The following MYO16 variants were observed in gnomAD, a reference collection of about 807,000 sequenced individuals.
MYO16 encodes the protein unconventional myosin-XVI.
Under a neutral mutation model 205.3 loss-of-function variants are expected in MYO16, and 94 were observed. The observed-to-expected ratio is 0.46, with a 90% confidence interval of 0.39 to 0.54. The LOEUF is 0.54. MYO16 is among the 20% of genes least tolerant of loss of function. The probability of loss-of-function intolerance (pLI) is 0.00; values close to 1 mark genes in which losing one functional copy is unlikely to be tolerated. For missense variants in MYO16, 2,315 were observed against 2,387.5 expected (o/e 0.97, Z 0.63); for synonymous variants, 988 against 954.0 (o/e 1.04, Z -0.66).
At chr13:108,725,747 G>A (rs1884315343) in intron 3 of MYO16, among the ~76,000 whole-genome samples, 1 of 152,078 alleles carries the variant, frequency 6.6e-6, no homozygotes, top group African/African-American at 2.4e-5. Flanking sequence ...AAACTTTAAA[G>A]TTTTTCTCTG....
At chr13:108,716,003 A>G (rs2139559186) in intron 3 of MYO16, among the ~76,000 whole-genome samples, 1 of 151,990 alleles carries the variant, frequency 6.6e-6, no homozygotes, top group South Asian at 2.1e-4. Context: ...TACTTGTCCA[A>G]GGTCTCATAA....
At chr13:108,969,236 A>G (rs1050936362) in intron 20 of MYO16, among the ~76,000 whole-genome samples, 5 of 152,250 alleles carry the variant, frequency 3.3e-5, no homozygotes, top group Non-Finnish European at 7.3e-5. Flanking sequence ...TTAGCAATGA[A>G]AATATAATCT....
chr13:108,539,418 C>T, the MYO16 span, among the ~76,000 whole-genome samples: 1 of 152,052 alleles, frequency 6.6e-6, no homozygotes, highest in African/African-American at 2.4e-5. Context: ...GCTGGCATTT[C>T]ATTCTTTGAG....
chr13:108,726,570 AAAG>A (rs1884347026), intron 3 of MYO16, among the ~76,000 whole-genome samples: 1 of 52,436 alleles, frequency 1.9e-5, no homozygotes, highest in East Asian at 2.9e-4. Flanking sequence ...AAAAAAAAAA[AAAG>A]AAAAAGAAAA....
At chr13:109,054,307 T>C (rs2139609727) in intron 25 of MYO16, 1 of 406,436 alleles carries the variant, frequency 2.5e-6, no homozygotes, top group South Asian at 1.8e-5. Context: ...TTTTTACAGA[T>C]AGGTAATTTA....
chr13:108,585,649 T>C, the MYO16 span, among the ~76,000 whole-genome samples: 7 of 152,330 alleles, frequency 4.6e-5, no homozygotes, highest in South Asian at 8.3e-4. Context: ...TTTCAAGATA[T>C]GGCAAGGGAA....
chr13:108,682,578 C>T (rs972911435), intron 2 of MYO16, among the ~76,000 whole-genome samples: 2 of 151,942 alleles, frequency 1.3e-5, no homozygotes, highest in Non-Finnish European at 2.9e-5. Context: ...TATTCCACAA[C>T]AAACAAAGTG....
the MYO16 span, among the ~76,000 whole-genome samples, chr13:108,532,112 A>G: frequency 6.6e-6 from 1 of 152,218 alleles, no homozygotes; most frequent in Admixed American, 6.5e-5. Flanking sequence ...AGGCTGAGGC[A>G]GGAGAATCGC....
intron 25 of MYO16, among the ~76,000 whole-genome samples, chr13:109,053,470 A>G (rs769770037): frequency 7.9e-5 from 12 of 152,036 alleles, no homozygotes; most frequent in Non-Finnish European, 1.6e-4. Context: ...GCTTATCCTT[A>G]TAAGAAAGAT....
the MYO16 span, among the ~76,000 whole-genome samples, chr13:108,528,562 CTCTCCTCTCCCCTCCCCTCCCCTT>C: frequency 7.2e-6 from 1 of 138,496 alleles, no homozygotes; most frequent in African/African-American, 2.8e-5. Context: ...CTCTCCTCTC[CTCTCCTCTCCCCTCCCCTCCCCTT>C]TCCCCTCCTC....
At chr13:108,598,550 T>C (rs889199299) in intron 1 of MYO16, among the ~76,000 whole-genome samples, 1 of 152,206 alleles carries the variant, frequency 6.6e-6, no homozygotes, top group African/African-American at 2.4e-5. Context: ...TGTTTGTATT[T>C]TAGCTGCTAC....
intron 5 of MYO16, among the ~76,000 whole-genome samples, chr13:108,787,243 T>C (rs1464845327): frequency 1.3e-5 from 2 of 152,224 alleles, no homozygotes. Context: ...GTTTCAGGGA[T>C]GTATACTTAC....
chr13:108,879,362 AC>A (rs1000644820), intron 12 of MYO16, among the ~76,000 whole-genome samples: 1 of 151,912 alleles, frequency 6.6e-6, no homozygotes, highest in African/African-American at 2.4e-5. Context: ...TTTAACATCA[AC>A]CTTTTTTTTA....
At chr13:108,865,548 G>A (rs1478329078) in intron 11 of MYO16, among the ~76,000 whole-genome samples, 1 of 151,242 alleles carries the variant, frequency 6.6e-6, no homozygotes, top group African/African-American at 2.4e-5. Flanking sequence ...TGTTTAGGAT[G>A]TTTCTCTTTA....
chr13:108,518,960 T>A, the MYO16 span, among the ~76,000 whole-genome samples: 1 of 152,168 alleles, frequency 6.6e-6, no homozygotes, highest in Non-Finnish European at 1.5e-5. Flanking sequence ...TGCCAAAGGA[T>A]GCACATAAAT....
chr13:109,139,900 T>A (rs932983296), intron 31 of MYO16, among the ~76,000 whole-genome samples: 1 of 152,062 alleles, frequency 6.6e-6, no homozygotes. Context: ...TTTACTTTTG[T>A]TTCTTTTTAA....
rs1268665048 is a variant in MYO16, at chr13:109,140,083, G to A, written c.4052-181G>A. 6.6e-6 allele frequency among the ~76,000 whole-genome samples: 1 copy of A among 151,976 alleles called. No individual in the cohort carries two copies. The highest frequency in any genetic ancestry group is 1.5e-5 in the Non-Finnish European group (1 of 67,996). On this transcript the variant is annotated intron_variant, in intron 31 of 34. Transcript: ENST00000457511. The surrounding 1 kb of genome is among the most constrained non-coding windows in gnomAD (Gnocchi z 8.0). ...TCCAAGATCAAAACTCTCTTTTCTT[G>A]GGGGTGGTCTCAGGAGTTCGGGTTC...
chr13:108,720,456 T>C (rs1385172235), intron 3 of MYO16, among the ~76,000 whole-genome samples: 1 of 152,212 alleles, frequency 6.6e-6, no homozygotes, highest in Non-Finnish European at 1.5e-5. Flanking sequence ...ACTGTAGAAA[T>C]GTTCTTTGAA....
At chr13:108,991,823 G>A (rs958736348) in intron 20 of MYO16, among the ~76,000 whole-genome samples, 1 of 152,228 alleles carries the variant, frequency 6.6e-6, no homozygotes, top group Admixed American at 6.5e-5. Context: ...TAAGGAGATA[G>A]CCACGAGAAC....
Sources: allele counts gnomAD v4.1 joint callset (sites outside exome capture counted in the v4.1 genomes callset), GRCh38; gene constraint gnomAD v4.1.1; non-coding constraint Gnocchi (gnomAD v3.1); transcripts MANE v1.5; gene names NCBI Gene and HGNC (gene_info 2026-07-23, HGNC 2026-07-21).